The following NEURL1 variants were observed in gnomAD, a reference collection of about 807,000 sequenced individuals.
NEURL1 encodes the protein E3 ubiquitin-protein ligase NEURL1.
In NEURL1, 26 loss-of-function variants were observed where a neutral mutation model predicts 41.2. That is an observed-to-expected ratio of 0.63 (90% confidence interval 0.46 to 0.87). The LOEUF is 0.87. Ranked by LOEUF, NEURL1 falls within the 40% of genes least tolerant of loss-of-function variation. The pLI, the probability that NEURL1 is intolerant of heterozygous loss-of-function variation, is 0.00. For missense variants in NEURL1, 761 were observed against 871.1 expected (o/e 0.87, Z 1.59); for synonymous variants, 400 against 402.3 (o/e 0.99, Z 0.07).
intron 1 of NEURL1, among the ~76,000 whole-genome samples, chr10:103,501,787 C>T (rs896237980): frequency 6.6e-6 from 1 of 150,810 alleles, no homozygotes; most frequent in Admixed American, 6.6e-5. Flanking sequence ...CGCCTGCCAC[C>T]AAAGTCCAGC....
At chr10:103,581,966 A>G (rs1440723195) in intron 3 of NEURL1, among the ~76,000 whole-genome samples, 2 of 152,186 alleles carry the variant, frequency 1.3e-5, no homozygotes, top group East Asian at 1.9e-4. Context: ...AGCACCTGGT[A>G]GTGTGCATGT....
intron 1 of NEURL1, among the ~76,000 whole-genome samples, chr10:103,532,223 T>C (rs2034587214): frequency 6.6e-6 from 1 of 152,256 alleles, no homozygotes; most frequent in Admixed American, 6.5e-5. Context: ...CTTGCCCCTG[T>C]CAATTCATTA....
intron 1 of NEURL1, among the ~76,000 whole-genome samples, chr10:103,501,215 T>C (rs1289897808): frequency 1.3e-5 from 2 of 152,178 alleles, no homozygotes; most frequent in Non-Finnish European, 2.9e-5. Context: ...CCTGTAGGCA[T>C]TGGGAGCCAT....
Position 103,571,096 on chromosome 10 carries a change from G to A in NEURL1, c.310G>A (p.Glu104Lys). 3 of 1,613,418 alleles carry A rather than the reference G, an allele frequency of 1.9e-6. No homozygotes were observed. The highest frequency in any genetic ancestry group is 2.5e-6 in the Non-Finnish European group (3 of 1,179,966). ...TFSNRPVLIY[E>K]QVRLKITKKQ... ...CAGCAACCGCCCGGTCCTCATCTAC[G>A]AGCAAGTCAGGCTGAAGGTGGGCCT... Residue 104 changes from glutamate (E) to lysine (K), a missense_variant, in exon 2 of 6, where the codon GAG (glutamate) becomes AAG (lysine). This residue lies in a region of NEURL1 where 65 missense variants were observed against 131.6 expected (regional missense o/e 0.49). Transcript: ENST00000369780.
At position 103,494,084 on chromosome 10, in the gene NEURL1, G is replaced by A. The variant is rs1424692292; in HGVS notation, c.-304G>A. ...AACCCTAGCGTCCCGGGGAGCAAGC[G>A]GGGAGCCCCGGGCGTCCCCGGCCCC... On this transcript the variant is annotated 5_prime_UTR_variant, in exon 1 of 6. Transcript: ENST00000369780. 4.0e-5 allele frequency: 11 copies of A among 273,364 alleles called. No individual in the cohort carries two copies. The highest frequency in any genetic ancestry group is 6.1e-5 in the Non-Finnish European group (9 of 146,674). 16.9% of individuals were successfully genotyped at this position (273,364 alleles called of 1,614,324 possible).
At chr10:103,514,723 T>G (rs1179730386) in intron 1 of NEURL1, among the ~76,000 whole-genome samples, 1 of 152,114 alleles carries the variant, frequency 6.6e-6, no homozygotes, top group Non-Finnish European at 1.5e-5. Flanking sequence ...TTAACTAGGC[T>G]ATTAATTTGG....
chr10:103,571,357 A>T, intron 2 of NEURL1, 144 bp from the exon 3 acceptor site: 1 of 998,202 alleles, frequency 1.0e-6, no homozygotes, highest in Non-Finnish European at 1.4e-6. Context: ...TCTTCCCAGC[A>T]GGGAGGGCTC....
intron 1 of NEURL1, among the ~76,000 whole-genome samples, chr10:103,554,191 TC>T (rs2035094375): frequency 2.0e-5 from 3 of 152,110 alleles, no homozygotes; most frequent in Non-Finnish European, 4.4e-5. Flanking sequence ...GCCTCCCTCT[TC>T]CCCCTCTGTT....
chr10:103,504,678 G>A (rs575704913), intron 1 of NEURL1, among the ~76,000 whole-genome samples: 35 of 152,000 alleles, frequency 2.3e-4, no homozygotes, highest in South Asian at 1.9e-3. Context: ...TTAAGCGGTG[G>A]GGGGGTTACG....
chr10:103,575,257 A>C (rs2035636879), intron 3 of NEURL1, among the ~76,000 whole-genome samples: 1 of 142,850 alleles, frequency 7.0e-6, no homozygotes, highest in Non-Finnish European at 1.5e-5. Context: ...AGATCCTCTC[A>C]CCCTTCTTGC....
intron 1 of NEURL1, among the ~76,000 whole-genome samples, chr10:103,535,874 C>T (rs566093970): frequency 1.1e-4 from 16 of 152,228 alleles, no homozygotes; most frequent in Non-Finnish European, 2.2e-4. Context: ...CAACTCACCC[C>T]GGGAGCAAGA....
chr10:103,515,019 G>A (rs1262775485), intron 1 of NEURL1, among the ~76,000 whole-genome samples: 1 of 152,140 alleles, frequency 6.6e-6, no homozygotes, highest in Non-Finnish European at 1.5e-5. Context: ...CCTGAGGTCA[G>A]GAGTTTGAGA....
At chr10:103,561,244 A>G (rs905561757) in intron 1 of NEURL1, among the ~76,000 whole-genome samples, 1 of 148,326 alleles carries the variant, frequency 6.7e-6, no homozygotes, top group Non-Finnish European at 1.5e-5. Context: ...GTGACATTCC[A>G]TTACTTCCTC....
At chr10:103,530,287 A>AT (rs888784229) in intron 1 of NEURL1, among the ~76,000 whole-genome samples, 120 of 145,710 alleles carry the variant, frequency 8.2e-4, no homozygotes, top group African/African-American at 1.3e-3. Context: ...ACTTCACTAG[A>AT]TTTTTTTTTT....
intron 1 of NEURL1, among the ~76,000 whole-genome samples, chr10:103,567,477 T>G (rs2035450800): frequency 1.3e-5 from 2 of 152,024 alleles, no homozygotes; most frequent in African/African-American, 4.8e-5. Context: ...TTTCAGCCCC[T>G]GGGCTCAAGG....
intron 1 of NEURL1, among the ~76,000 whole-genome samples, chr10:103,562,257 C>T (rs2035310951): frequency 6.6e-6 from 1 of 152,186 alleles, no homozygotes; most frequent in Non-Finnish European, 1.5e-5. Flanking sequence ...GTGGCTCGCG[C>T]CTGTAATCCC....
chr10:103,493,727 C>T lies in NEURL1; in HGVS notation c.-661C>T, dbSNP rs1264345035. On this transcript the variant is annotated 5_prime_UTR_variant, in exon 1 of 6. Coordinates refer to ENST00000369780, the MANE Select transcript of NEURL1 (RefSeq NM_004210.5). Reference sequence around the variant, plus strand: ...CTAAGACGCTCATTCACCGGCGCAGCTGTCACCATAACAACCGGAGCGAGG... The same window carrying T: ...CTAAGACGCTCATTCACCGGCGCAGTTGTCACCATAACAACCGGAGCGAGG... Among the ~76,000 whole-genome samples, 1 of 152,008 alleles carries T rather than the reference C, an allele frequency of 6.6e-6. No individual in the cohort carries two copies. The highest frequency in any genetic ancestry group is 1.5e-5 in the Non-Finnish European group (1 of 67,964).
At chr10:103,523,316 A>C (rs148870111) in intron 1 of NEURL1, among the ~76,000 whole-genome samples, 1,963 of 151,970 alleles carry the variant, frequency 0.013, 34 homozygotes, top group African/African-American at 0.044. Context: ...AATTGCCAGG[A>C]AGGTTGGCAC....
At chr10:103,555,513 C>G (rs1317285933) in intron 1 of NEURL1, 6 of 1,062,172 alleles carry the variant, frequency 5.6e-6, no homozygotes, top group Non-Finnish European at 7.5e-6. Context: ...TGGTCATGCC[C>G]CTACTTCTCA....
Sources: gnomAD v4.1 joint callset for allele counts (sites outside exome capture counted in the v4.1 genomes callset) on GRCh38, gnomAD v4.1.1 for gene constraint, gnomAD v4.1.1 regional missense constraint, MANE v1.5 for transcripts, NCBI Gene and HGNC (gene_info 2026-07-23, HGNC 2026-07-21) for gene names.